ROR1: variants seen among roughly 807,000 people sequenced by gnomAD.
The protein encoded by ROR1 is inactive tyrosine-protein kinase transmembrane receptor ROR1.
ROR1 carries 19 observed loss-of-function variants against 78.8 expected under a neutral mutation model. The ratio of observed to expected loss-of-function variants is 0.24; its 90% CI spans 0.17 to 0.35. The LOEUF is 0.35. Among genes scored for constraint, ROR1 ranks in the 10% least tolerant of loss-of-function variants. The pLI, the probability that ROR1 is intolerant of heterozygous loss-of-function variation, is 1.00. For synonymous variants in ROR1, 386 were observed against 433.6 expected, an observed-to-expected ratio of 0.89 and a Z score of 1.36; for missense variants, 917 against 1,177.8, an observed-to-expected ratio of 0.78 and a Z score of 3.24.
intron 1 of ROR1, among the ~76,000 whole-genome samples, chr1:63,836,438 G>A (rs904744437): frequency 6.6e-6 from 1 of 152,192 alleles, no homozygotes; most frequent in Non-Finnish European, 1.5e-5. Context: ...GGAACAAAAA[G>A]TTATGACCAA....
chr1:64,171,014 C>T (rs1283115828), intron 8 of ROR1, among the ~76,000 whole-genome samples: 1 of 152,198 alleles, frequency 6.6e-6, no homozygotes, highest in Non-Finnish European at 1.5e-5. Context: ...CCCACATTTT[C>T]CTGTCTTCTT....
At chr1:63,987,905 C>T (rs1646264966) in intron 1 of ROR1, among the ~76,000 whole-genome samples, 1 of 152,128 alleles carries the variant, frequency 6.6e-6, no homozygotes, top group Non-Finnish European at 1.5e-5. Context: ...TGCTGCATTG[C>T]CCACTCTGTC....
intron 1 of ROR1, among the ~76,000 whole-genome samples, chr1:63,792,040 G>A (rs1254350709): frequency 1.3e-5 from 2 of 152,142 alleles, no homozygotes; most frequent in Non-Finnish European, 2.9e-5. Context: ...GTAACAGGAA[G>A]GGCCAAGAAG....
At chr1:63,805,773 T>C (rs2100261821) in intron 1 of ROR1, among the ~76,000 whole-genome samples, 1 of 152,328 alleles carries the variant, frequency 6.6e-6, no homozygotes, top group African/African-American at 2.4e-5. Flanking sequence ...CCAGCCACTT[T>C]GGAAGGTGGA....
intron 1 of ROR1, among the ~76,000 whole-genome samples, chr1:63,802,314 G>A (rs1487486566): frequency 1.3e-5 from 2 of 152,056 alleles, no homozygotes; most frequent in Non-Finnish European, 2.9e-5. Flanking sequence ...GACACTAGGT[G>A]GGGTGCTCTA....
chr1:63,928,076 A>T (rs1428384677), intron 1 of ROR1, among the ~76,000 whole-genome samples: 1 of 152,084 alleles, frequency 6.6e-6, no homozygotes, highest in African/African-American at 2.4e-5. Flanking sequence ...AAGTCACCAA[A>T]ACCGTTTGTC....
chr1:64,127,645 C>G (rs1208958573), intron 4 of ROR1, among the ~76,000 whole-genome samples: 1 of 152,106 alleles, frequency 6.6e-6, no homozygotes, highest in Non-Finnish European at 1.5e-5. Context: ...TGTATGATCA[C>G]AAATTATATC....
intron 7 of ROR1, among the ~76,000 whole-genome samples, chr1:64,157,596 A>G (rs1649810620): frequency 6.6e-6 from 1 of 152,312 alleles, no homozygotes; most frequent in African/African-American, 2.4e-5. Context: ...CAGTTCCCAA[A>G]CAAGGTGTGT....
At chr1:63,967,962 G>T (rs778079204) in intron 1 of ROR1, among the ~76,000 whole-genome samples, 15 of 152,130 alleles carry the variant, frequency 9.9e-5, no homozygotes, top group Non-Finnish European at 1.9e-4. Flanking sequence ...AGTTTGGGAA[G>T]TTCTTCTTAC....
intron 1 of ROR1, among the ~76,000 whole-genome samples, chr1:63,828,404 A>G (rs1315901605): frequency 2.6e-5 from 4 of 152,212 alleles, no homozygotes; most frequent in Non-Finnish European, 5.9e-5. Context: ...ACATTTGATC[A>G]GAAAGCCACA....
chr1:63,806,372 C>T (rs886095342), intron 1 of ROR1, among the ~76,000 whole-genome samples: 1 of 147,696 alleles, frequency 6.8e-6, no homozygotes, highest in Non-Finnish European at 1.5e-5. Flanking sequence ...GGCTGGAGTG[C>T]AGTGGCACAA....
intron 4 of ROR1, among the ~76,000 whole-genome samples, chr1:64,091,449 T>G (rs987655722): frequency 6.6e-6 from 1 of 152,196 alleles, no homozygotes; most frequent in Non-Finnish European, 1.5e-5. Flanking sequence ...TGTAATCACA[T>G]GTAATAAGTG....
At chr1:64,131,650 T>C (rs78608455) in intron 4 of ROR1, among the ~76,000 whole-genome samples, 2,707 of 152,298 alleles carry the variant, frequency 0.018, 43 homozygotes, top group Non-Finnish European at 0.027. Flanking sequence ...GGTCTTGCTC[T>C]GTCACCCAGG....
intron 1 of ROR1, among the ~76,000 whole-genome samples, chr1:63,938,883 A>T (rs1196553855): frequency 6.6e-6 from 1 of 152,114 alleles, no homozygotes; most frequent in African/African-American, 2.4e-5. Context: ...CTGTAGTCCC[A>T]GCTACTTGGG....
intron 2 of ROR1, 27 bp downstream of exon 2, chr1:64,009,403 G>A (rs1365652998): frequency 1.3e-6 from 2 of 1,562,512 alleles, no homozygotes; most frequent in Admixed American, 1.7e-5. Flanking sequence ...CACAGGGGAG[G>A]CGAGGAAAGA....
At chr1:63,860,586 C>CACACACACAT in intron 1 of ROR1, among the ~76,000 whole-genome samples, 1 of 145,118 alleles carries the variant, frequency 6.9e-6, no homozygotes, top group African/African-American at 2.6e-5. Context: ...CACACACACA[C>CACACACACAT]ACACACACAC....
chr1:64,050,814 G>T, intron 4 of ROR1, 98 bp downstream of exon 4: 1 of 1,159,274 alleles, frequency 8.6e-7, no homozygotes, highest in Non-Finnish European at 1.3e-6. Flanking sequence ...CAAAATACTG[G>T]CTTCCAGATG....
intron 1 of ROR1, among the ~76,000 whole-genome samples, chr1:63,876,785 C>T (rs1311179651): frequency 6.6e-6 from 1 of 151,424 alleles, no homozygotes; most frequent in Non-Finnish European, 1.5e-5. Context: ...GTTGGCTATA[C>T]AGCAATGAGG....
At chr1:63,844,302 C>T (rs1295074112) in intron 1 of ROR1, among the ~76,000 whole-genome samples, 4 of 152,094 alleles carry the variant, frequency 2.6e-5, no homozygotes, top group Admixed American at 2.0e-4. Flanking sequence ...TGCCTTTATT[C>T]CTGCCACCCA....
Sources: allele counts gnomAD v4.1 joint callset (sites outside exome capture counted in the v4.1 genomes callset), GRCh38; gene constraint gnomAD v4.1.1; transcripts MANE v1.5; gene names NCBI Gene and HGNC (gene_info 2026-07-23, HGNC 2026-07-21).